Variants in CWC27 observed in about 807,000 individuals in gnomAD.
CWC27 encodes the protein spliceosome-associated protein CWC27 homolog.
In CWC27, 47 loss-of-function variants were observed where a neutral mutation model predicts 63.6. The ratio of observed to expected loss-of-function variants is 0.74; its 90% CI spans 0.58 to 0.94. CWC27 has a LOEUF of 0.94. CWC27 is among the 40% of genes least tolerant of loss of function. The probability of loss-of-function intolerance (pLI) is 0.00; values close to 1 mark genes in which losing one functional copy is unlikely to be tolerated. For missense variants in CWC27, 495 were observed against 554.3 expected (o/e 0.89, Z 1.07); for synonymous variants, 175 against 179.8 (o/e 0.97, Z 0.22).
chr5:64,835,862 C>T (rs1745647497), intron 10 of CWC27, among the ~76,000 whole-genome samples: 1 of 151,780 alleles, frequency 6.6e-6, no homozygotes, highest in South Asian at 2.1e-4. Context: ...ATATGTGTTG[C>T]TTCTATATCT....
intron 10 of CWC27, among the ~76,000 whole-genome samples, chr5:64,843,160 A>C (rs996027348): frequency 6.6e-6 from 1 of 152,244 alleles, no homozygotes; most frequent in Admixed American, 6.5e-5. Flanking sequence ...AGTACAAAGG[A>C]AGATAGTAAG....
chr5:65,007,010 GA>G (rs144215294), intron 13 of CWC27, among the ~76,000 whole-genome samples: 2 of 138,416 alleles, frequency 1.4e-5, no homozygotes, highest in African/African-American at 5.5e-5. Flanking sequence ...AAGAAAGAAA[GA>G]AAGAAAGAAA....
At chr5:64,880,490 C>G (rs1746909165) in intron 10 of CWC27, among the ~76,000 whole-genome samples, 3 of 151,898 alleles carry the variant, frequency 2.0e-5, no homozygotes, top group Admixed American at 2.0e-4. Context: ...TTTACAGAAC[C>G]TAGCAAAGTG....
intron 11 of CWC27, among the ~76,000 whole-genome samples, chr5:64,934,161 G>C (rs532032429): frequency 6.6e-6 from 1 of 152,124 alleles, no homozygotes; most frequent in Admixed American, 6.5e-5. Context: ...GTGCAGGTTT[G>C]TTACATAGGT....
intron 11 of CWC27, among the ~76,000 whole-genome samples, chr5:64,902,662 C>G (rs920598632): frequency 9.2e-5 from 14 of 152,020 alleles, no homozygotes; most frequent in Non-Finnish European, 1.5e-4. Flanking sequence ...AGTGTAAGTC[C>G]TCCCACATTT....
At chr5:64,814,236 C>A (rs577752132) in intron 10 of CWC27, among the ~76,000 whole-genome samples, 1 of 152,054 alleles carries the variant, frequency 6.6e-6, no homozygotes, top group Non-Finnish European at 1.5e-5. Context: ...GATACCACTT[C>A]GGTTTTGCAC....
intron 10 of CWC27, among the ~76,000 whole-genome samples, chr5:64,805,124 C>T (rs1744617399): frequency 1.3e-5 from 2 of 151,320 alleles, no homozygotes; most frequent in South Asian, 2.1e-4. Flanking sequence ...ATTCTTTTTC[C>T]CTATCATGTT....
intron 11 of CWC27, among the ~76,000 whole-genome samples, chr5:64,919,319 C>T (rs920955222): frequency 1.3e-5 from 2 of 152,144 alleles, no homozygotes; most frequent in Non-Finnish European, 2.9e-5. Context: ...GTGTTTACTT[C>T]TTAACTTTGT....
intron 7 of CWC27, among the ~76,000 whole-genome samples, chr5:64,798,865 CT>C: frequency 6.6e-6 from 1 of 152,148 alleles, no homozygotes. Context: ...ATTATTCTTT[CT>C]GTCAACTCTA....
intron 11 of CWC27, among the ~76,000 whole-genome samples, chr5:64,957,752 G>T (rs1040300823): frequency 3.9e-5 from 6 of 152,036 alleles, no homozygotes; most frequent in Non-Finnish European, 8.8e-5. Context: ...GGAGACTCTG[G>T]GCACACTGCC....
chr5:64,878,512 T>G, intron 10 of CWC27, among the ~76,000 whole-genome samples: 1 of 105,218 alleles, frequency 9.5e-6, no homozygotes, highest in African/African-American at 4.0e-5. Flanking sequence ...CACCTGTTAG[T>G]GTGCCTACTC....
At chr5:64,947,292 C>T (rs1335995116) in intron 11 of CWC27, among the ~76,000 whole-genome samples, 1 of 152,060 alleles carries the variant, frequency 6.6e-6, no homozygotes, top group Admixed American at 6.6e-5. Flanking sequence ...GGTATGCATA[C>T]ACACTATTCA....
At chr5:64,824,072 T>C (rs2112251316) in intron 10 of CWC27, among the ~76,000 whole-genome samples, 1 of 152,282 alleles carries the variant, frequency 6.6e-6, no homozygotes, top group East Asian at 1.9e-4. Context: ...AAGTTCTAAC[T>C]TTATCTAGCT....
At chr5:64,948,597 G>C (rs1748640869) in intron 11 of CWC27, among the ~76,000 whole-genome samples, 1 of 151,906 alleles carries the variant, frequency 6.6e-6, no homozygotes, top group African/African-American at 2.4e-5. Context: ...ATCTAAAAGA[G>C]CTAGTTTCTA....
intron 11 of CWC27, among the ~76,000 whole-genome samples, chr5:64,945,810 G>A (rs987643408): frequency 3.3e-5 from 5 of 152,124 alleles, no homozygotes; most frequent in East Asian, 1.9e-4. Context: ...GCTTAGAGAC[G>A]AAACCTACCT....
intron 13 of CWC27, among the ~76,000 whole-genome samples, chr5:64,980,877 A>C (rs1580762479): frequency 6.6e-6 from 1 of 152,206 alleles, no homozygotes; most frequent in Admixed American, 6.5e-5. Context: ...GGATCACTTG[A>C]GGTCAAGAGT....
chr5:64,847,450 A>G (rs571530096), intron 10 of CWC27, among the ~76,000 whole-genome samples: 2 of 152,352 alleles, frequency 1.3e-5, no homozygotes, highest in South Asian at 2.1e-4. Context: ...GGGGACTTCT[A>G]TACCTCACTT....
chr5:64,990,249 T>TC (rs1561181401), intron 13 of CWC27, among the ~76,000 whole-genome samples: 1 of 101,002 alleles, frequency 9.9e-6, no homozygotes, highest in Non-Finnish European at 2.0e-5. Context: ...TGTTTTTTTT[T>TC]TGTTTTTTTT....
chr5:64,949,679 G>A (rs78592906), intron 11 of CWC27, among the ~76,000 whole-genome samples: 5,861 of 152,056 alleles, frequency 0.039, 248 homozygotes, highest in African/African-American at 0.098. Context: ...TGGATCCCAT[G>A]TTCCATGAAG....
Sources: allele counts gnomAD v4.1 joint callset (sites outside exome capture counted in the v4.1 genomes callset), GRCh38; gene constraint gnomAD v4.1.1; transcripts MANE v1.5; gene names NCBI Gene and HGNC (gene_info 2026-07-23, HGNC 2026-07-21).